PRSS27: variants seen among roughly 807,000 people sequenced by gnomAD.
The protein encoded by PRSS27 is serine protease 27, also known as channel-activating protease 2.
A neutral mutation model predicts 32.0 loss-of-function variants in PRSS27; 25 were observed. That is an observed-to-expected ratio of 0.78 (90% CI 0.57 to 1.09). The LOEUF is 1.09. Ranked by LOEUF, PRSS27 falls within the 50% of genes least tolerant of loss-of-function variation. The pLI, the probability that PRSS27 is intolerant of heterozygous loss-of-function variation, is 0.00. For synonymous variants in PRSS27, 178 were observed against 172.2 expected, an observed-to-expected ratio of 1.03 and a Z score of -0.26; for missense variants, 401 against 394.9, an observed-to-expected ratio of 1.02 and a Z score of -0.13.
At chr16:2,716,235 G>T (rs1280076219) in intron 2 of PRSS27, 1 of 581,490 alleles carries the variant, frequency 1.7e-6, no homozygotes, top group Non-Finnish European at 3.1e-6. Flanking sequence ...CCACCCAGAG[G>T]GGGCCAGTCA....
intron 1 of PRSS27, chr16:2,716,977 C>T (rs2067706130): frequency 5.4e-6 from 1 of 185,128 alleles, no homozygotes; most frequent in Admixed American, 5.3e-5. Flanking sequence ...GCTGTCTCTA[C>T]ATTTGAGCTG....
chr16:2,713,092 C>T (rs976393120), intron 5 of PRSS27: 4 of 520,254 alleles, frequency 7.7e-6, no homozygotes, highest in African/African-American at 3.8e-5. Context: ...GTCCAGGAAT[C>T]TGCTTTTTCT....
At position 2,712,796 on chromosome 16, in the gene PRSS27, G is replaced by A. The variant is rs749422110; in HGVS notation, c.697C>T (p.Leu233=). 6.4e-7 allele frequency: 1 copy of A among 1,573,524 alleles called. No individual in the cohort carries two copies. Among genetic ancestry groups the A allele is most frequent in the East Asian group, 2.3e-5 (1 of 43,492 alleles). Residue 233 remains leucine (L), a synonymous_variant, in exon 6 of 6, where the codon CTG becomes TTG. Transcript: ENST00000302641. The surrounding 1 kb of genome is among the most constrained non-coding windows in gnomAD (Gnocchi z 4.6). The part of the protein sequence containing the change: ...DACKGDSGGP[L]VCLVGQSWLQ... ...CACGACTGACCCACGAGGCACACCA[G>A]GGGGCCGCCCGAGTCGCCCTGCGGG...
Position 2,712,569 on chromosome 16 carries a change from G to T in PRSS27, c.*51C>A. On this transcript the variant is annotated 3_prime_UTR_variant, in exon 6 of 6. Coordinates refer to ENST00000302641, the MANE Select transcript of PRSS27 (RefSeq NM_031948.5). The surrounding 1 kb of genome is among the most constrained non-coding windows in gnomAD (Gnocchi z 4.6). The stretch of plus-strand genomic sequence containing the variant: ...GGAGGACCAGCAGGATGGTGTGGGC[G>T]GGCAGGCTGGGTGCAGAGCTCTGCT... 1 of 1,489,090 alleles carries T rather than the reference G, an allele frequency of 6.7e-7. No individual in the cohort carries two copies. The highest frequency in any genetic ancestry group is 9.1e-7 in the Non-Finnish European group (1 of 1,099,602). The allele number at this position is 1,489,090 out of a possible 1,614,324, so 92.2% of individuals were successfully genotyped here. A position where few individuals can be genotyped will look rare whatever the true frequency, so the allele number is the denominator to read the frequency against.
rs757297128 is a variant in PRSS27, at chr16:2,715,739, G to C, written c.215C>G (p.Thr72Arg). 6.4e-7 allele frequency: 1 copy of C among 1,563,810 alleles called. No homozygotes were observed. The highest frequency in any genetic ancestry group is 1.2e-5 in the South Asian group (1 of 85,508). ...GSLIAEQWVL[T>R]AAHCFRNTSE... ...TCACTTGCGGAAGCAGTGCGCAGCC[G>C]TCAGGACCCACTGCTCCGCGATGAG... The change falls in exon 3 of 6, where the codon ACG becomes AGG. Residue 72 changes from threonine (T) to arginine (R), a missense_variant. By Grantham distance (71) the Thr-to-Arg change is moderately conservative. Coordinates refer to ENST00000302641, the MANE Select transcript of PRSS27 (RefSeq NM_031948.5).
intron 2 of PRSS27, 187 bp from the exon 3 acceptor site, chr16:2,716,067 C>G (rs1293896788): frequency 1.9e-5 from 10 of 522,714 alleles, no homozygotes; most frequent in Admixed American, 1.5e-4. Flanking sequence ...CAGCTGCCCC[C>G]CAAAGTCTCA....
Position 2,713,861 on chromosome 16 carries a change from C to A in PRSS27, c.509-163G>T, listed in dbSNP as rs575404996. Among the ~76,000 whole-genome samples, 4 of 152,338 alleles carry A rather than the reference C, an allele frequency of 2.6e-5. No homozygotes were observed. In the East Asian group the frequency reaches 7.7e-4, roughly 29 times the overall value. ...ATCCTCCCTCCTTCCAGGCAGCAGG[C>A]TGGGCCCTTTCTGTCCCCCTCTCCC... On this transcript the variant is annotated intron_variant, in intron 4 of 5. Coordinates refer to ENST00000302641, the MANE Select transcript of PRSS27 (RefSeq NM_031948.5).
Position 2,714,229 on chromosome 16 carries a change from A to G in PRSS27, c.344T>C (p.Leu115Pro), listed in dbSNP as rs1003233482. 1 of 1,613,734 alleles carries G rather than the reference A, an allele frequency of 6.2e-7. No homozygotes were observed. The highest frequency in any genetic ancestry group is 1.1e-5 in the South Asian group (1 of 91,054). ...ARVRQVESNP[L>P]YQGTASSADV... is the part of the protein sequence containing the mutation. ...AGCGCTGGAGGCCGTGCCCTGGTACAGGGGGTTGCTCTCCACCTGCCTCAC... is the reference window on the plus strand; with the variant it reads ...AGCGCTGGAGGCCGTGCCCTGGTACGGGGGGTTGCTCTCCACCTGCCTCAC... Residue 115 changes from leucine (L) to proline (P), a missense_variant, in exon 4 of 6, where the codon CTG becomes CCG. Coordinates refer to ENST00000302641, the MANE Select transcript of PRSS27 (RefSeq NM_031948.5). This position sits in a 1 kb window ranked among gnomAD's most constrained non-coding sequence, Gnocchi z 4.7.
In PRSS27 at chr16:2,714,324, C is replaced by G. The variant is rs768675380; in HGVS notation, c.249G>C (p.Thr83=). The change falls in exon 4 of 6, where the codon ACG becomes ACC. Residue 83 remains threonine, a synonymous_variant. Coordinates refer to ENST00000302641, the MANE Select transcript of PRSS27 (RefSeq NM_031948.5). This position sits in a 1 kb window ranked among gnomAD's most constrained non-coding sequence, Gnocchi z 4.7. ...CCCCCAGCAGGACCTGGTACAGGGA[C>G]GTCTCAGAGGTGCTGGCGGGAGAAA... The part of the protein sequence containing the change: ...AAHCFRNTSE[T]SLYQVLLGAR... The G allele has an allele frequency of 8.7e-6, 14 of 1,612,756 alleles. No homozygotes were observed. Among genetic ancestry groups the G allele is most frequent in the Non-Finnish European group, 1.1e-5 (13 of 1,180,004 alleles).
At position 2,714,042 on chromosome 16, in the gene PRSS27, C is replaced by T. The variant is rs2067684011; in HGVS notation, c.508+23G>A. Reference sequence around the variant, plus strand: ...GCCTTCTTGAGGCATATCCCCCATTCTTTCCCAGCCCTGTCCCCTTACCTT... The same window carrying T: ...GCCTTCTTGAGGCATATCCCCCATTTTTTCCCAGCCCTGTCCCCTTACCTT... On this transcript the variant is annotated intron_variant, in intron 4 of 5. Coordinates refer to ENST00000302641, the MANE Select transcript of PRSS27 (RefSeq NM_031948.5). The surrounding 1 kb of genome is among the most constrained non-coding windows in gnomAD (Gnocchi z 4.7). The T allele has an allele frequency of 1.9e-6, 3 of 1,581,386 alleles. No individual in the cohort carries two copies. The highest frequency in any genetic ancestry group is 2.3e-5 in the South Asian group (2 of 86,194).
At chr16:2,713,459 G>A (rs1425846090) in intron 5 of PRSS27, 70 bp downstream of exon 5, 1 of 1,488,994 alleles carries the variant, frequency 6.7e-7, no homozygotes, top group Non-Finnish European at 9.4e-7. Context: ...CATGGAGCGG[G>A]GCATGATCCC....
chr16:2,713,211 G>C, intron 5 of PRSS27: 1 of 455,374 alleles, frequency 2.2e-6, no homozygotes, highest in Non-Finnish European at 4.1e-6. Context: ...CCATTCTCCT[G>C]CCTCAGCCTC....
chr16:2,714,516 C>G lies in PRSS27; in HGVS notation c.237-180G>C. On this transcript the variant is annotated intron_variant, in intron 3 of 5. Transcript: ENST00000302641. The surrounding 1 kb of genome is among the most constrained non-coding windows in gnomAD (Gnocchi z 4.7). The stretch of plus-strand genomic sequence containing the variant: ...ATGCGTGTTGACATTGAAGCCAGAC[C>G]GCCCGACTCAGATTTCCACCTCCAC... 1.5e-6 allele frequency: 1 copy of G among 685,042 alleles called. No homozygotes were observed. The highest frequency in any genetic ancestry group is 2.5e-6 in the Non-Finnish European group (1 of 407,182). The allele number at this position is 685,042 out of a possible 1,614,324, so 42.4% of individuals were successfully genotyped here.
intron 1 of PRSS27, 44 bp from the exon 2 acceptor site, chr16:2,716,570 G>T (rs1303472583): frequency 6.3e-7 from 1 of 1,575,136 alleles, no homozygotes; most frequent in African/African-American, 1.3e-5. Context: ...GCTGCAGCCT[G>T]GCCTGCCCTC....
intron 1 of PRSS27, chr16:2,718,031 T>C (rs1005899101): frequency 2.6e-5 from 4 of 152,236 alleles, no homozygotes; most frequent in African/African-American, 9.7e-5. Flanking sequence ...GGGAGGGTTA[T>C]TCCCTGGCCC....
At chr16:2,715,655 T>C in intron 3 of PRSS27, 63 bp downstream of exon 3, 1 of 1,423,764 alleles carries the variant, frequency 7.0e-7, no homozygotes, top group Non-Finnish European at 9.4e-7. Flanking sequence ...TCCACGGTGC[T>C]GAACCGGTCG....
At chr16:2,716,084 TCGCC>T in intron 2 of PRSS27, 1 of 536,274 alleles carries the variant, frequency 1.9e-6, no homozygotes, top group Admixed American at 3.4e-5. Context: ...CTCACTCTCC[TCGCC>T]GAGAAAGGCA....
rs2142069539 is a variant in PRSS27, at chr16:2,720,151, G to A, written c.10C>T (p.Pro4Ser). MRR[P>S]AAVPLLLLLC... is the part of the protein sequence containing the mutation. ...AGCAGCAGGAGCGGCACCGCCGCCG[G>A]CCGCCTCATGTCCTCAGGCCTGGCT... Residue 4 changes from proline (P) to serine (S), a missense_variant, in exon 1 of 6, where the codon CCG (proline) becomes TCG (serine). Physicochemically the swap from Pro to Ser is moderately conservative, Grantham distance 74. Transcript: ENST00000302641. 1 of 1,600,122 alleles carries A rather than the reference G, an allele frequency of 6.2e-7. No individual in the cohort carries two copies. The highest frequency in any genetic ancestry group is 8.5e-7 in the Non-Finnish European group (1 of 1,173,902).
rs144554167 is a variant in PRSS27 at position 2,713,388 on chromosome 16, A to G, written c.678+141T>C. The G allele has an allele frequency of 1.8e-3, 1,645 of 910,602 alleles. 7 individuals carry two copies. The highest frequency in any genetic ancestry group is 6.1e-3 in the South Asian group (456 of 74,540). 56.4% of individuals were successfully genotyped at this position (910,602 alleles called of 1,614,324 possible). ...GCTGGGATTACAGGCGTGAGCCACC[A>G]CACCCGGCCCTGGAATCTGCCTTTT... On this transcript the variant is annotated intron_variant, in intron 5 of 5. Transcript: ENST00000302641.
Sources: allele counts gnomAD v4.1 joint callset (sites outside exome capture counted in the v4.1 genomes callset), GRCh38; gene constraint gnomAD v4.1.1; non-coding constraint Gnocchi (gnomAD v3.1); transcripts MANE v1.5; gene names NCBI Gene and HGNC (gene_info 2026-07-23, HGNC 2026-07-21).